Variants in KIF1C observed in about 807,000 individuals in gnomAD.
KIF1C encodes the protein kinesin family member 1C.
A neutral mutation model predicts 126.5 loss-of-function variants in KIF1C; 61 were observed. That is an observed-to-expected ratio of 0.48 (90% CI 0.39 to 0.60). The LOEUF (loss-of-function observed/expected upper bound fraction) is 0.60. KIF1C is among the 20% of genes least tolerant of loss of function. KIF1C has a pLI of 0.00. For missense variants in KIF1C, 1,315 were observed against 1,489.2 expected, an observed-to-expected ratio of 0.88 and a Z score of 1.93; for synonymous variants, 640 against 580.6, an observed-to-expected ratio of 1.10 and a Z score of -1.47.
At position 5,026,272 on chromosome 17, in the gene KIF1C, G is replaced by C. The variant is rs1465580272; in HGVS notation, c.*2121G>C. ...GAGCAGTTTAAAATCTGGCCAGGGA[G>C]ACTCAATGTGAGCAAGAAAATGATA... On this transcript the variant is annotated 3_prime_UTR_variant, in exon 23 of 23. Coordinates refer to ENST00000320785, the MANE Select transcript of KIF1C (RefSeq NM_006612.6). 2.6e-5 allele frequency: 4 copies of C among 152,208 alleles called. No homozygotes were observed. Among genetic ancestry groups the C allele is most frequent in the Non-Finnish European group, 5.9e-5 (4 of 68,048 alleles). 9.4% of individuals were successfully genotyped at this position (152,208 alleles called of 1,614,324 possible). A position where few individuals can be genotyped will look rare whatever the true frequency, so the allele number is the denominator to read the frequency against.
chr17:5,007,281 G>A lies in KIF1C; in HGVS notation c.1354G>A (p.Ala452Thr), dbSNP rs1292901745. The A allele has an allele frequency of 6.2e-7, 1 of 1,610,524 alleles. No homozygotes were observed. Among genetic ancestry groups the A allele is most frequent in the South Asian group, 1.1e-5 (1 of 90,652 alleles). Residue 452 changes from alanine to threonine, a missense_variant, in exon 15 of 23, where the codon GCT (alanine) becomes ACT (threonine). This residue lies in a region of KIF1C where 874 missense variants were observed against 1,053.2 expected (regional missense o/e 0.83). Coordinates refer to ENST00000320785, the MANE Select transcript of KIF1C (RefSeq NM_006612.6). ...ERLQETEKII[A>T]ELNETWEEKL... ...CCCCCAGGAGACAGAGAAGATTATAGCTGAGCTGAACGAGACATGGGAGGA... is the reference window on the plus strand; with the variant it reads ...CCCCCAGGAGACAGAGAAGATTATAACTGAGCTGAACGAGACATGGGAGGA...
chr17:5,015,652 C>T (rs1203469887), intron 18 of KIF1C, among the ~76,000 whole-genome samples: 3 of 135,314 alleles, frequency 2.2e-5, no homozygotes, highest in Non-Finnish European at 4.6e-5. Context: ...GGCTGGAGTG[C>T]AGTGGCATGA....
rs749870285 is a variant in KIF1C at position 5,004,003 on chromosome 17, A to G, written c.870A>G (p.Ser290=). 12 of 1,613,926 alleles carry G rather than the reference A, an allele frequency of 7.4e-6. No homozygotes were observed. In the East Asian group the frequency reaches 2.7e-4, roughly 36 times the overall value. Residue 290 remains serine (S), a synonymous_variant, in exon 11 of 23, where the codon TCA becomes TCG. Transcript: ENST00000320785. The part of the protein sequence containing the change: ...KVISALADMQ[S]KKRKSDFIPY... ...TTCCTCCTTTTATCCCCCAGCAATC[A>G]AAGAAGCGAAAGTCGGATTTTATCC...
intron 4 of KIF1C, 114 bp from the exon 5 acceptor site, chr17:5,001,108 A>C (rs1974579860): frequency 8.7e-7 from 1 of 1,146,696 alleles, no homozygotes; most frequent in African/African-American, 1.5e-5. Context: ...GTGGGAGGGC[A>C]CACAGGACAT....
intron 18 of KIF1C, chr17:5,019,571 C>T (rs911999013): frequency 3.6e-5 from 7 of 195,532 alleles, no homozygotes; most frequent in African/African-American, 1.4e-4. Flanking sequence ...ATGCATGAGG[C>T]AGAGGGGTGG....
Position 5,007,082 on chromosome 17 carries a change from C to G in KIF1C, c.1333C>G (p.Gln445Glu), listed in dbSNP as rs1395201005. Reference sequence around the variant, plus strand: ...GCCTGAGGAAGCCATGGAGAGGCTGCAGGTGGGAAGCTGGAGCTGGCAAGG... The same window carrying G: ...GCCTGAGGAAGCCATGGAGAGGCTGGAGGTGGGAAGCTGGAGCTGGCAAGG... ...IGPEEAMERL[Q>E]ETEKIIAELN... Residue 445 changes from glutamine to glutamate, a missense_variant and splice_region_variant, in exon 14 of 23, where the codon CAG (glutamine) becomes GAG (glutamate). Physicochemically the swap from Gln to Glu is conservative, Grantham distance 29 (BLOSUM62 2). This residue lies in a region of KIF1C where 874 missense variants were observed against 1,053.2 expected (regional missense o/e 0.83). Transcript: ENST00000320785. 1.9e-6 allele frequency: 3 copies of G among 1,586,088 alleles called. No individual in the cohort carries two copies. The highest frequency in any genetic ancestry group is 3.8e-5 in the Admixed American group (2 of 52,396).
At position 5,022,844 on chromosome 17, in the gene KIF1C, A is replaced by G; in HGVS notation, c.2628+135A>G. The G allele has an allele frequency of 8.0e-7, 1 of 1,250,704 alleles. No individual in the cohort carries two copies. Among genetic ancestry groups the G allele is most frequent in the Non-Finnish European group, 1.0e-6 (1 of 964,680 alleles). 77.5% of individuals were successfully genotyped at this position (1,250,704 alleles called of 1,614,324 possible). ...TGAAGTATAGTACGTTTTTTTCAAT[A>G]TTGTTTACGAACCACATGCCTCGCT... On this transcript the variant is annotated intron_variant, in intron 22 of 22. Transcript: ENST00000320785. This position sits in a 1 kb window ranked among gnomAD's most constrained non-coding sequence, Gnocchi z 4.9.
chr17:5,014,907 T>A (rs2143359202), intron 18 of KIF1C, 70 bp downstream of exon 18: 1 of 1,319,002 alleles, frequency 7.6e-7, no homozygotes, highest in Non-Finnish European at 1.1e-6. Context: ...CACACTGAAC[T>A]CAGAGGTCTG....
chr17:5,018,381 A>ACAG (rs1975023446), intron 18 of KIF1C, among the ~76,000 whole-genome samples: 2 of 151,930 alleles, frequency 1.3e-5, no homozygotes, highest in South Asian at 4.2e-4. Context: ...AATAAATGGC[A>ACAG]TCTGGCCAGG....
At position 5,023,262 on chromosome 17, in the gene KIF1C, G is replaced by A. The variant is rs932960774; in HGVS notation, c.2629-206G>A. Among the ~76,000 whole-genome samples, 6 of 151,690 alleles carry A rather than the reference G, an allele frequency of 4.0e-5. No individual in the cohort carries two copies. The highest frequency in any genetic ancestry group is 2.1e-4 in the South Asian group (1 of 4,806). ...TCTTGATCTCTTGACCTTGTGATCC[G>A]CCCACCTCAGCTTCCCAAAGTGCTG... is the stretch of plus-strand genomic sequence containing the variant. On this transcript the variant is annotated intron_variant, in intron 22 of 22. Transcript: ENST00000320785. This position sits in a 1 kb window ranked among gnomAD's most constrained non-coding sequence, Gnocchi z 4.2.
rs1975123423 is a variant in KIF1C at position 5,022,800 on chromosome 17, A to C, written c.2628+91A>C. On this transcript the variant is annotated intron_variant, in intron 22 of 22. Transcript: ENST00000320785. The surrounding 1 kb of genome is among the most constrained non-coding windows in gnomAD (Gnocchi z 4.9). ...CCATCTCAGAGCCTAACCTTCCCCA[A>C]GTCTGGAAAAAATTGCATTGAAGTA... 1 of 1,383,944 alleles carries C rather than the reference A, an allele frequency of 7.2e-7. No individual in the cohort carries two copies. Among genetic ancestry groups the C allele is most frequent in the South Asian group, 1.9e-5 (1 of 53,662 alleles). 85.7% of individuals were successfully genotyped at this position (1,383,944 alleles called of 1,614,324 possible).
Position 5,022,340 on chromosome 17 carries a change from G to A in KIF1C, c.2259G>A (p.Lys753=). Residue 753 remains lysine, a synonymous_variant, in exon 22 of 23, where the codon AAG becomes AAA. Transcript: ENST00000320785. The surrounding 1 kb of genome is among the most constrained non-coding windows in gnomAD (Gnocchi z 4.9). ...CTGACCTGAAGATGCAGGCGGTGAA[G>A]GAGATCTGCTACGAGGTGGCCCTGG... The part of the protein sequence containing the change: ...TMADLKMQAV[K]EICYEVALAD... The A allele has an allele frequency of 6.2e-7, 1 of 1,600,480 alleles. No individual in the cohort carries two copies. The highest frequency in any genetic ancestry group is 1.1e-5 in the South Asian group (1 of 89,488).
chr17:5,023,606 C>T lies in KIF1C; in HGVS notation c.2767C>T (p.Arg923Trp), dbSNP rs147017530. Residue 923 changes from arginine to tryptophan, a missense_variant, in exon 23 of 23, where the codon CGG (arginine) becomes TGG (tryptophan). Around this residue, in one of 2 missense-constraint regions of KIF1C, gnomAD observed 441 missense variants for 436.1 expected, o/e 1.01. Coordinates refer to ENST00000320785, the MANE Select transcript of KIF1C (RefSeq NM_006612.6). This position sits in a 1 kb window ranked among gnomAD's most constrained non-coding sequence, Gnocchi z 4.2. ...PPSPPLSSWE[R>W]VSRLMEEDPA... ...CTCGCCACCACTGTCAAGCTGGGAG[C>T]GGGTGTCACGGCTCATGGAGGAGGA... 6 of 1,613,572 alleles carry T rather than the reference C, an allele frequency of 3.7e-6. No individual in the cohort carries two copies. The highest frequency in any genetic ancestry group is 1.3e-5 in the African/African-American group (1 of 74,894).
At chr17:5,006,606 G>A (rs1974740156) in intron 13 of KIF1C, among the ~76,000 whole-genome samples, 1 of 152,184 alleles carries the variant, frequency 6.6e-6, no homozygotes, top group Non-Finnish European at 1.5e-5. Flanking sequence ...AAAGTGCTGG[G>A]ATTACAGGTG....
chr17:5,022,457 C>A lies in KIF1C; in HGVS notation c.2376C>A (p.Pro792=). The A allele has an allele frequency of 6.3e-7, 1 of 1,584,710 alleles. No individual in the cohort carries two copies. The highest frequency in any genetic ancestry group is 2.3e-5 in the East Asian group (1 of 43,472). Residue 792 remains proline (P), a synonymous_variant, in exon 22 of 23, where the codon CCC becomes CCA. Transcript: ENST00000320785. The surrounding 1 kb of genome is among the most constrained non-coding windows in gnomAD (Gnocchi z 4.9). The part of the protein sequence containing the change: ...LCRTYGKPDG[P]GDAWRAVARD... ...GCACCTATGGCAAGCCAGACGGCCC[C>A]GGAGACGCCTGGAGGGCTGTGGCCC... is the stretch of plus-strand genomic sequence containing the variant.
chr17:5,006,784 G>T, intron 13 of KIF1C, 131 bp from the exon 14 acceptor site: 2 of 913,386 alleles, frequency 2.2e-6, no homozygotes, highest in Non-Finnish European at 3.4e-6. Flanking sequence ...TCCTTGCCTG[G>T]TAGGAGGCTG....
chr17:4,998,238 G>A (rs1974439736), intron 1 of KIF1C, 82 bp downstream of exon 1: 1 of 152,484 alleles, frequency 6.6e-6, no homozygotes, highest in Admixed American at 6.5e-5. Context: ...GGGTCCGGCG[G>A]CGCGATCTAG....
chr17:5,008,147 C>T (rs866345951), intron 16 of KIF1C, among the ~76,000 whole-genome samples: 1 of 152,172 alleles, frequency 6.6e-6, no homozygotes, highest in African/African-American at 2.4e-5. Context: ...CAGTGCCTGA[C>T]ACGTGCCTGC....
At position 5,028,339 on chromosome 17, in the gene KIF1C, G is replaced by GT. The variant is rs1295657768; in HGVS notation, c.*4194dup. The GT allele has an allele frequency of 1.3e-5, 2 of 152,062 alleles. No homozygotes were observed. The highest frequency in any genetic ancestry group is 2.4e-5 in the African/African-American group (1 of 41,424). 9.4% of individuals were successfully genotyped at this position (152,062 alleles called of 1,614,324 possible). ...ATATGTTGGTTATTCTTTTAGACATGTTTTTTGTTGTTGTTGTCACCTGGA... is the reference window on the plus strand; with the variant it reads ...ATATGTTGGTTATTCTTTTAGACATGTTTTTTTGTTGTTGTTGTCACCTGGA... On this transcript the variant is annotated 3_prime_UTR_variant, in exon 23 of 23. Transcript: ENST00000320785.
Sources: gnomAD v4.1 joint callset for allele counts (sites outside exome capture counted in the v4.1 genomes callset) on GRCh38, gnomAD v4.1.1 for gene constraint, gnomAD v4.1.1 regional missense constraint, Gnocchi (gnomAD v3.1) non-coding constraint, MANE v1.5 for transcripts, NCBI Gene and HGNC (gene_info 2026-07-23, HGNC 2026-07-21) for gene names.